Variants in KLHL32 observed in about 807,000 individuals in gnomAD.
KLHL32 encodes the protein kelch like family member 32, also known as kelch-like protein 32.
In KLHL32, 35 loss-of-function variants were observed where a neutral mutation model predicts 64.8. The observed-to-expected ratio is 0.54, with a 90% CI of 0.41 to 0.72. KLHL32 has a LOEUF of 0.72. Ranked by LOEUF, KLHL32 falls within the 30% of genes least tolerant of loss-of-function variation. KLHL32 has a pLI of 0.00. For synonymous variants in KLHL32, 259 were observed against 281.0 expected, an observed-to-expected ratio of 0.92 and a Z score of 0.78; for missense variants, 589 against 768.5, an observed-to-expected ratio of 0.77 and a Z score of 2.76.
At chr6:97,018,337 G>T (rs1392565374) in intron 3 of KLHL32, among the ~76,000 whole-genome samples, 1 of 151,778 alleles carries the variant, frequency 6.6e-6, no homozygotes, top group Non-Finnish European at 1.5e-5. Flanking sequence ...TATCAATTTG[G>T]CCAGGCACGG....
chr6:96,920,417 T>C (rs2127981597), upstream of KLHL32, among the ~76,000 whole-genome samples: 1 of 152,274 alleles, frequency 6.6e-6, no homozygotes, highest in South Asian at 2.1e-4. Context: ...CTAGGACATG[T>C]GTGAGTTCCC....
intron 10 of KLHL32, among the ~76,000 whole-genome samples, chr6:97,135,985 A>T (rs965799310): frequency 6.6e-6 from 1 of 152,226 alleles, no homozygotes; most frequent in African/African-American, 2.4e-5. Context: ...TAAGTATGTC[A>T]GTGGGTTGAG....
intron 7 of KLHL32, among the ~76,000 whole-genome samples, chr6:97,116,664 A>T (rs1171764141): frequency 6.6e-6 from 1 of 152,216 alleles, no homozygotes; most frequent in Non-Finnish European, 1.5e-5. Context: ...TAAAGATATG[A>T]CGATTTAATA....
At chr6:96,983,618 A>G (rs1181298818) in intron 3 of KLHL32, among the ~76,000 whole-genome samples, 3 of 152,266 alleles carry the variant, frequency 2.0e-5, no homozygotes, top group South Asian at 2.1e-4. Context: ...GGGAGGGTGT[A>G]TGTGTCGGGG....
chr6:96,901,741 C>T, the KLHL32 span, among the ~76,000 whole-genome samples: 3 of 152,164 alleles, frequency 2.0e-5, no homozygotes, highest in African/African-American at 4.8e-5. Context: ...TCCCACCCTC[C>T]GACCTCCAAC....
intron 9 of KLHL32, 55 bp from the exon 10 acceptor site, chr6:97,132,598 T>TAA: frequency 7.3e-7 from 1 of 1,375,724 alleles, no homozygotes; most frequent in Non-Finnish European, 1.0e-6. Flanking sequence ...AAGGGTTAAT[T>TAA]AAAATATGTA....
At chr6:96,898,655 C>CT in the KLHL32 span, among the ~76,000 whole-genome samples, 2 of 151,882 alleles carry the variant, frequency 1.3e-5, no homozygotes, top group Non-Finnish European at 2.9e-5. Context: ...TTTTAAGCCT[C>CT]TGTGTAATTT....
chr6:97,053,044 G>A (rs1227201308), intron 4 of KLHL32, among the ~76,000 whole-genome samples: 1 of 151,904 alleles, frequency 6.6e-6, no homozygotes, highest in Non-Finnish European at 1.5e-5. Flanking sequence ...GAAGCATAGA[G>A]CCACATTGTG....
At chr6:97,133,165 T>C (rs929508855) in intron 10 of KLHL32, among the ~76,000 whole-genome samples, 3 of 152,196 alleles carry the variant, frequency 2.0e-5, no homozygotes, top group African/African-American at 7.2e-5. Context: ...TACAAGGGTG[T>C]TCTTCCTTCA....
At chr6:96,962,751 A>T (rs974769934) in intron 1 of KLHL32, among the ~76,000 whole-genome samples, 1 of 152,168 alleles carries the variant, frequency 6.6e-6, no homozygotes, top group Non-Finnish European at 1.5e-5. Context: ...GCCCCCTGTG[A>T]TAAGGTGATA....
rs182358457 is a variant in KLHL32, at chr6:96,959,695, G to A, written c.-65-7301G>A. Among the ~76,000 whole-genome samples, 96 of 152,234 alleles carry A rather than the reference G, an allele frequency of 6.3e-4. 1 individual carries two copies. The highest frequency in any genetic ancestry group is 2.2e-3 in the African/African-American group (92 of 41,538). On this transcript the variant is annotated intron_variant, in intron 1 of 10. Coordinates refer to ENST00000369261, the MANE Select transcript of KLHL32 (RefSeq NM_052904.4). Reference sequence around the variant, plus strand: ...GGGGGACACAATTCAGCTCACATCAGGGCCTCCTTGGGAGACACTAGCATG... The same window carrying A: ...GGGGGACACAATTCAGCTCACATCAAGGCCTCCTTGGGAGACACTAGCATG...
intron 3 of KLHL32, among the ~76,000 whole-genome samples, chr6:97,030,082 C>T (rs1049290812): frequency 2.6e-5 from 4 of 152,148 alleles, no homozygotes; most frequent in African/African-American, 9.7e-5. Flanking sequence ...AGTTATTTCA[C>T]CTGTAAGATT....
intron 6 of KLHL32, among the ~76,000 whole-genome samples, chr6:97,089,789 A>AT (rs1793961383): frequency 6.6e-6 from 1 of 151,956 alleles, no homozygotes; most frequent in Admixed American, 6.6e-5. Context: ...AAAAAAAAAA[A>AT]AAAAAAGAAC....
chr6:97,023,978 A>C (rs1782367504), intron 3 of KLHL32, among the ~76,000 whole-genome samples: 1 of 152,220 alleles, frequency 6.6e-6, no homozygotes, highest in Non-Finnish European at 1.5e-5. Flanking sequence ...AGAAATTGAC[A>C]AAAAATCATC....
chr6:97,021,299 G>C (rs1781954282), intron 3 of KLHL32, among the ~76,000 whole-genome samples: 1 of 150,964 alleles, frequency 6.6e-6, no homozygotes, highest in East Asian at 1.9e-4. Flanking sequence ...TACCCAACAG[G>C]TAGTTTTTCA....
chr6:96,988,978 T>G (rs984226689), intron 3 of KLHL32, among the ~76,000 whole-genome samples: 1 of 152,076 alleles, frequency 6.6e-6, no homozygotes, highest in Non-Finnish European at 1.5e-5. Context: ...GGAGGAGGGA[T>G]AGCATTAGGA....
At chr6:97,086,192 T>C (rs1280471100) in intron 6 of KLHL32, among the ~76,000 whole-genome samples, 1 of 152,130 alleles carries the variant, frequency 6.6e-6, no homozygotes, top group Admixed American at 6.5e-5. Flanking sequence ...CCAGGGAAAA[T>C]TTAAAGTCTT....
intron 5 of KLHL32, among the ~76,000 whole-genome samples, chr6:97,073,138 C>T (rs1440526950): frequency 6.6e-6 from 1 of 152,186 alleles, no homozygotes; most frequent in Non-Finnish European, 1.5e-5. Context: ...TATCCTCCTA[C>T]CCAATCCCCT....
chr6:96,932,630 A>G (rs1174740551), intron 1 of KLHL32, among the ~76,000 whole-genome samples: 1 of 124,380 alleles, frequency 8.0e-6, no homozygotes, highest in East Asian at 2.7e-4. Context: ...GTGCAGTGGT[A>G]TAGTCAGCTC....
Sources: gnomAD v4.1 joint callset for allele counts (sites outside exome capture counted in the v4.1 genomes callset) on GRCh38, gnomAD v4.1.1 for gene constraint, MANE v1.5 for transcripts, NCBI Gene and HGNC (gene_info 2026-07-23, HGNC 2026-07-21) for gene names.